STEAP3: variants seen among roughly 807,000 people sequenced by gnomAD.
STEAP3 encodes the protein metalloreductase STEAP3.
Under a neutral mutation model 34.9 loss-of-function variants are expected in STEAP3, and 35 were observed. The observed-to-expected ratio is 1.00, with a 90% CI of 0.76 to 1.33. The LOEUF is 1.33. STEAP3 is among the 40% of genes most tolerant of loss of function. The pLI is 0.00. For missense variants in STEAP3, 652 were observed against 667.6 expected (o/e 0.98, Z 0.26); for synonymous variants, 281 against 301.6 (o/e 0.93, Z 0.71).
chr2:119,242,434 C>A (rs1371887899), intron 2 of STEAP3, among the ~76,000 whole-genome samples: 3 of 152,176 alleles, frequency 2.0e-5, no homozygotes, highest in Non-Finnish European at 4.4e-5. Context: ...TTTGAATTCA[C>A]CTCGGCCCAA....
Position 119,243,626 on chromosome 2 carries a change from A to ACTG in STEAP3, c.23-1846_23-1844dup, listed in dbSNP as rs367889354. On this transcript the variant is annotated intron_variant, in intron 2 of 5. Transcript: ENST00000393110. ...GTATGGTAGGCATCCATTAATAGGAACTGCTGCTGCTGCTGCTGCCTTATA... is the reference window on the plus strand; with the variant it reads ...GTATGGTAGGCATCCATTAATAGGAACTGCTGCTGCTGCTGCTGCTGCCTTATA... Among the ~76,000 whole-genome samples, 66 of 152,266 alleles carry ACTG rather than the reference A, an allele frequency of 4.3e-4. No homozygotes were observed. In the East Asian group the frequency reaches 4.6e-3, roughly 11 times the overall value.
chr2:119,228,903 A>G (rs1019241415), intron 1 of STEAP3, among the ~76,000 whole-genome samples: 2 of 152,094 alleles, frequency 1.3e-5, no homozygotes, highest in Non-Finnish European at 2.9e-5. Flanking sequence ...CCCTCCAGGA[A>G]CGCGTACTCT....
At position 119,263,915 on chromosome 2, in the gene STEAP3, G is replaced by A. The variant is rs1039979088; in HGVS notation, c.*577G>A. 2.8e-5 allele frequency: 5 copies of A among 178,682 alleles called. No individual in the cohort carries two copies. The highest frequency in any genetic ancestry group is 4.8e-5 in the Non-Finnish European group (4 of 83,642). 11.1% of individuals were successfully genotyped at this position (178,682 alleles called of 1,614,324 possible). A position where few individuals can be genotyped will look rare whatever the true frequency, so the allele number is the denominator to read the frequency against. ...GAGGCCTGGGGAGGAGGAAAATCAG[G>A]CAGTCGGCCTGGAGTCTGTGCCTGG... On this transcript the variant is annotated 3_prime_UTR_variant, in exon 6 of 6. Transcript: ENST00000393110.
chr2:119,248,517 G>A (rs539267517), intron 4 of STEAP3: 9 of 335,886 alleles, frequency 2.7e-5, no homozygotes, highest in Admixed American at 4.6e-5. Flanking sequence ...GAAAGCAAGC[G>A]TGGGCGGTGG....
At position 119,254,726 on chromosome 2, in the gene STEAP3, T is replaced by C; in HGVS notation, c.1093T>C (p.Trp365Arg). 1 of 1,614,146 alleles carries C rather than the reference T, an allele frequency of 6.2e-7. No homozygotes were observed. Among genetic ancestry groups the C allele is most frequent in the African/African-American group, 1.3e-5 (1 of 75,024 alleles). The part of the protein sequence containing the change: ...KSHLWVEEEV[W>R]RMEIYLSLGV... Reference sequence around the variant, plus strand: ...CCACCTCTGGGTGGAGGAGGAGGTCTGGCGGATGGAGATCTACCTCTCCCT... The same window carrying C: ...CCACCTCTGGGTGGAGGAGGAGGTCCGGCGGATGGAGATCTACCTCTCCCT... The change falls in exon 5 of 6, where the codon TGG becomes CGG. Residue 365 changes from tryptophan (W) to arginine (R), a missense_variant. Physicochemically the swap from Trp to Arg is moderately radical, Grantham distance 101. Transcript: ENST00000393110.
chr2:119,231,342 C>CGCGTGT, intron 2 of STEAP3, among the ~76,000 whole-genome samples: 1 of 143,492 alleles, frequency 7.0e-6, no homozygotes. Context: ...CACACAGTTG[C>CGCGTGT]GTGTGTGTGT....
At chr2:119,234,822 C>A (rs557643393) in intron 2 of STEAP3, among the ~76,000 whole-genome samples, 1 of 152,298 alleles carries the variant, frequency 6.6e-6, no homozygotes, top group African/African-American at 2.4e-5. Flanking sequence ...ATGCCCCACC[C>A]GCCTCCGCTG....
chr2:119,225,674 G>A (rs865688), intron 1 of STEAP3, among the ~76,000 whole-genome samples: 70,243 of 152,186 alleles, frequency 0.46, 16,353 homozygotes, highest in Non-Finnish European at 0.5. Context: ...CTTGAGTGAA[G>A]TCCAAAGGCG....
chr2:119,238,534 C>T (rs1371029844), intron 2 of STEAP3, among the ~76,000 whole-genome samples: 1 of 152,134 alleles, frequency 6.6e-6, no homozygotes, highest in East Asian at 1.9e-4. Flanking sequence ...AGAAACAGGT[C>T]CCCTTATCAG....
rs1331435827 is a variant in STEAP3, at chr2:119,254,720, G to A, written c.1087G>A (p.Glu363Lys). The A allele has an allele frequency of 3.7e-6, 6 of 1,614,184 alleles. No homozygotes were observed. Among genetic ancestry groups the A allele is most frequent in the East Asian group, 2.2e-5 (1 of 44,882 alleles). ...CAAGAGCCACCTCTGGGTGGAGGAGGAGGTCTGGCGGATGGAGATCTACCT... is the reference window on the plus strand; with the variant it reads ...CAAGAGCCACCTCTGGGTGGAGGAGAAGGTCTGGCGGATGGAGATCTACCT... ...ANKSHLWVEE[E>K]VWRMEIYLSL... The change falls in exon 5 of 6, where the codon GAG becomes AAG. Residue 363 changes from glutamate (E) to lysine (K), a missense_variant. Coordinates refer to ENST00000393110, the MANE Select transcript of STEAP3 (RefSeq NM_182915.3).
intron 2 of STEAP3, among the ~76,000 whole-genome samples, chr2:119,233,955 G>T (rs1375026293): frequency 6.6e-6 from 1 of 152,222 alleles, no homozygotes; most frequent in African/African-American, 2.4e-5. Flanking sequence ...GTTAGAGGGT[G>T]GAGGCCGATT....
In STEAP3 at chr2:119,264,671, A is replaced by G. The variant is rs544795795; in HGVS notation, c.*1333A>G. 6.6e-6 allele frequency: 1 copy of G among 152,338 alleles called. No homozygotes were observed. The highest frequency in any genetic ancestry group is 2.4e-5 in the African/African-American group (1 of 41,552). The allele number at this position is 152,338 out of a possible 1,614,324, so 9.4% of individuals were successfully genotyped here. A position where few individuals can be genotyped will look rare whatever the true frequency, so the allele number is the denominator to read the frequency against. ...AGAACCAGGTTGATCTGCCACAGAA[A>G]AAGCATCTTTGAAGACAAAGAGGGT... On this transcript the variant is annotated 3_prime_UTR_variant, in exon 6 of 6. Coordinates refer to ENST00000393110, the MANE Select transcript of STEAP3 (RefSeq NM_182915.3).
Position 119,263,593 on chromosome 2 carries a change from T to C in STEAP3, c.*255T>C. 1.8e-6 allele frequency: 1 copy of C among 566,252 alleles called. No individual in the cohort carries two copies. The highest frequency in any genetic ancestry group is 3.1e-6 in the Non-Finnish European group (1 of 318,654). 35.1% of individuals were successfully genotyped at this position (566,252 alleles called of 1,614,324 possible). ...ATAGCTAGCTAAAAAGTTGGGTCTC[T>C]GAGATTTCAACTTGTAGATTTAAAA... On this transcript the variant is annotated 3_prime_UTR_variant, in exon 6 of 6. Coordinates refer to ENST00000393110, the MANE Select transcript of STEAP3 (RefSeq NM_182915.3).
At chr2:119,262,858 T>C (rs1573587384) in intron 5 of STEAP3, among the ~76,000 whole-genome samples, 199 bp from the exon 6 acceptor site, 1 of 152,320 alleles carries the variant, frequency 6.6e-6, no homozygotes, top group East Asian at 1.9e-4. Flanking sequence ...ATTTTCCTGT[T>C]GTGGAAGCTG....
Position 119,264,582 on chromosome 2 carries a change from C to T in STEAP3, c.*1244C>T, listed in dbSNP as rs995070165. 1.7e-4 allele frequency: 26 copies of T among 152,350 alleles called. No homozygotes were observed. The highest frequency in any genetic ancestry group is 6.3e-4 in the African/African-American group (26 of 41,574). 9.4% of individuals were successfully genotyped at this position (152,350 alleles called of 1,614,324 possible). ...CACAGGCCATCCTTGCTGCTCCCTA[C>T]TGACTCTAGCTTACTTCCCCTGTGA... is the stretch of plus-strand genomic sequence containing the variant. On this transcript the variant is annotated 3_prime_UTR_variant, in exon 6 of 6. Transcript: ENST00000393110.
At position 119,228,082 on chromosome 2, in the gene STEAP3, G is replaced by A. The variant is rs568015868; in HGVS notation, c.-393-2538G>A. Among the ~76,000 whole-genome samples, 38 of 152,126 alleles carry A rather than the reference G, an allele frequency of 2.5e-4. No homozygotes were observed. In the South Asian group the frequency reaches 4.6e-3, roughly 18 times the overall value. On this transcript the variant is annotated intron_variant, in intron 1 of 5. Coordinates refer to ENST00000393110, the MANE Select transcript of STEAP3 (RefSeq NM_182915.3). Reference sequence around the variant, plus strand: ...TGACCTCAGGTGATCCACCTGCCTCGGCCTCCCAAAGTGCTGGGATTACAG... The same window carrying A: ...TGACCTCAGGTGATCCACCTGCCTCAGCCTCCCAAAGTGCTGGGATTACAG...
intron 5 of STEAP3, among the ~76,000 whole-genome samples, chr2:119,256,408 C>T (rs1046454378): frequency 6.6e-6 from 1 of 152,192 alleles, no homozygotes. Flanking sequence ...GGATTTTCCT[C>T]TTCCCACCTG....
chr2:119,228,408 G>A (rs984070945), intron 1 of STEAP3, among the ~76,000 whole-genome samples: 4 of 152,208 alleles, frequency 2.6e-5, no homozygotes. Flanking sequence ...TCAGTAGCAC[G>A]CTGAATGCAG....
intron 5 of STEAP3, among the ~76,000 whole-genome samples, chr2:119,258,638 C>T (rs1257770538): frequency 3.5e-5 from 4 of 113,526 alleles, no homozygotes; most frequent in Non-Finnish European, 5.0e-5. Flanking sequence ...GACGGAGTCT[C>T]ACTCCGTCAC....
Sources: gnomAD v4.1 joint callset for allele counts (sites outside exome capture counted in the v4.1 genomes callset) on GRCh38, gnomAD v4.1.1 for gene constraint, MANE v1.5 for transcripts, NCBI Gene and HGNC (gene_info 2026-07-23, HGNC 2026-07-21) for gene names.